The following ZNF180 variants were observed in gnomAD, a reference collection of about 807,000 sequenced individuals.
The protein encoded by ZNF180 is zinc finger protein 180 (HHZ168).
Under a neutral mutation model 11.8 loss-of-function variants are expected in ZNF180, and 11 were observed. The observed-to-expected ratio is 0.93, with a 90% CI of 0.59 to 1.55. ZNF180 has a LOEUF of 1.55. ZNF180 is among the 40% of genes most tolerant of loss of function. The probability of loss-of-function intolerance (pLI) is 0.00; values close to 1 mark genes in which losing one functional copy is unlikely to be tolerated. For missense variants in ZNF180, 773 were observed against 781.7 expected, an observed-to-expected ratio of 0.99 and a Z score of 0.13; for synonymous variants, 287 against 257.7, an observed-to-expected ratio of 1.11 and a Z score of -1.09.
At position 44,476,549 on chromosome 19, in the gene ZNF180, C is replaced by G; in HGVS notation, c.1851G>C (p.Leu617Phe). The G allele has an allele frequency of 6.2e-7, 1 of 1,614,144 alleles. No homozygotes were observed. The highest frequency in any genetic ancestry group is 8.5e-7 in the Non-Finnish European group (1 of 1,180,006). Residue 617 changes from leucine (L) to phenylalanine (F), a missense_variant, in exon 5 of 5, where the codon TTG (leucine) becomes TTC (phenylalanine). Leu to Phe is a conservative substitution (Grantham distance 22). Transcript: ENST00000592529. ...TTTGATGCACAATAAGTCGAGCACTCAAGCTAAATGTTTTTCCACACTGAT... is the reference window on the plus strand; with the variant it reads ...TTTGATGCACAATAAGTCGAGCACTGAAGCTAAATGTTTTTCCACACTGAT... ...ECNQCGKTFS[L>F]SARLIVHQRT...
In ZNF180 at chr19:44,495,251, C is replaced by CCCAGACT. The variant is rs1970548515; in HGVS notation, c.51+2026_51+2032dup. 6.6e-6 allele frequency among the ~76,000 whole-genome samples: 1 copy of CCCAGACT among 152,126 alleles called. No individual in the cohort carries two copies. The highest frequency in any genetic ancestry group is 1.5e-5 in the Non-Finnish European group (1 of 68,018). On this transcript the variant is annotated intron_variant, in intron 2 of 4. Transcript: ENST00000592529. This position sits in a 1 kb window ranked among gnomAD's most constrained non-coding sequence, Gnocchi z 4.5. ...GACGCCCTCTCCCTATGGATGCTTT[C>CCCAGACT]CCAGACTCCCTGGGCTCTGCCACCC...
In ZNF180 at chr19:44,476,145, GT is replaced by G. The variant is rs1568420117; in HGVS notation, c.*256del. The stretch of plus-strand genomic sequence containing the variant: ...GTGCTTTCTGCAAGGAAAAGTGCCA[GT>G]ATTTATTATTTTCATAGGAATATGT... On this transcript the variant is annotated 3_prime_UTR_variant, in exon 5 of 5. Coordinates refer to ENST00000592529, the MANE Select transcript of ZNF180 (RefSeq NM_001278509.3). The G allele has an allele frequency of 5.8e-6, 2 of 342,420 alleles. No individual in the cohort carries two copies. Among genetic ancestry groups the G allele is most frequent in the Non-Finnish European group, 5.3e-6 (1 of 190,428 alleles). 21.2% of individuals were successfully genotyped at this position (342,420 alleles called of 1,614,324 possible).
In ZNF180 at chr19:44,479,519, G is replaced by T. The variant is rs561872299; in HGVS notation, c.127-110C>A. 1.4e-3 allele frequency: 2,109 copies of T among 1,458,450 alleles called. 24 individuals are homozygous for T. Among genetic ancestry groups the T allele is most frequent in the Non-Finnish European group, 4.9e-4 (522 of 1,066,576 alleles). The allele number at this position is 1,458,450 out of a possible 1,614,324, so 90.3% of individuals were successfully genotyped here. The stretch of plus-strand genomic sequence containing the variant: ...AAGGAAAATTGGTGACCTGGGAGTT[G>T]TCCTTAAATTGTCAGTGCCCAAAAG... On this transcript the variant is annotated intron_variant, in intron 3 of 4. Coordinates refer to ENST00000592529, the MANE Select transcript of ZNF180 (RefSeq NM_001278509.3).
chr19:44,484,046 G>A (rs898037144), intron 3 of ZNF180, among the ~76,000 whole-genome samples: 12 of 147,908 alleles, frequency 8.1e-5, no homozygotes, highest in Non-Finnish European at 1.6e-4. Context: ...CCAGGCTGAA[G>A]TGCAGTGGCG....
intron 4 of ZNF180, 37 bp downstream of exon 4, chr19:44,479,246 G>A: frequency 2.5e-6 from 4 of 1,598,706 alleles, no homozygotes; most frequent in Non-Finnish European, 3.4e-6. Context: ...AATCATTTCA[G>A]TAGATGGATC....
At chr19:44,486,277 G>A (rs1359841161) in intron 2 of ZNF180, among the ~76,000 whole-genome samples, 2 of 152,130 alleles carry the variant, frequency 1.3e-5, no homozygotes, top group African/African-American at 4.8e-5. Flanking sequence ...GTTCTCAAAA[G>A]CATTAAAAGG....
chr19:44,482,125 G>A (rs1477767026), intron 3 of ZNF180, among the ~76,000 whole-genome samples: 1 of 152,136 alleles, frequency 6.6e-6, no homozygotes, highest in African/African-American at 2.4e-5. Context: ...GGGCAACATG[G>A]TGAAACCCTG....
chr19:44,480,343 A>C (rs1970045758), intron 3 of ZNF180, among the ~76,000 whole-genome samples: 1 of 152,148 alleles, frequency 6.6e-6, no homozygotes, highest in African/African-American at 2.4e-5. Flanking sequence ...GTGTTCAAGG[A>C]ATCTTCCCAT....
Position 44,500,445 on chromosome 19 carries a change from C to T in ZNF180, c.-214G>A. 1.6e-6 allele frequency: 1 copy of T among 607,630 alleles called. No individual in the cohort carries two copies. Among genetic ancestry groups the T allele is most frequent in the Non-Finnish European group, 2.9e-6 (1 of 344,598 alleles). The allele number at this position is 607,630 out of a possible 1,614,324, so 37.6% of individuals were successfully genotyped here. ...CCTCTCCTAGTCAGCATCCGCAAGG[C>T]CGCTGGGGGTTAAGTCTGAAGGGCC... On this transcript the variant is annotated 5_prime_UTR_variant, in exon 1 of 5. Transcript: ENST00000592529.
intron 3 of ZNF180, among the ~76,000 whole-genome samples, chr19:44,482,429 C>G (rs527519582): frequency 6.6e-6 from 1 of 152,256 alleles, no homozygotes; most frequent in African/African-American, 2.4e-5. Context: ...CCTCAGTCCT[C>G]AGAGGCTAAG....
At chr19:44,487,457 G>A (rs1373626675) in intron 2 of ZNF180, among the ~76,000 whole-genome samples, 1 of 152,116 alleles carries the variant, frequency 6.6e-6, no homozygotes, top group African/African-American at 2.4e-5. Context: ...TAGAAGACAG[G>A]GTCTCGTCAT....
chr19:44,479,438 C>T (rs1438463030), intron 3 of ZNF180, 29 bp from the exon 4 acceptor site: 2 of 1,611,440 alleles, frequency 1.2e-6, no homozygotes, highest in South Asian at 1.1e-5. Context: ...TCCTGCTCAG[C>T]TGGGCATCAT....
At chr19:44,484,591 C>T (rs965517672) in intron 2 of ZNF180, 156 bp from the exon 3 acceptor site, 34 of 642,620 alleles carry the variant, frequency 5.3e-5, no homozygotes, top group Admixed American at 2.2e-4. Flanking sequence ...TGGTAAGCTC[C>T]GCTAACCATG....
In ZNF180 at chr19:44,500,346, G is replaced by C. The variant is rs1970720497; in HGVS notation, c.-115C>G. 12 of 1,462,972 alleles carry C rather than the reference G, an allele frequency of 8.2e-6. No individual in the cohort carries two copies. Among genetic ancestry groups the C allele is most frequent in the Admixed American group, 1.7e-5 (1 of 58,714 alleles). 90.6% of individuals were successfully genotyped at this position (1,462,972 alleles called of 1,614,324 possible). ...CAGTGCCTAGCACGGCTCTGCGGCA[G>C]GACGAACTCGGGTTAGGCAACCCCC... On this transcript the variant is annotated 5_prime_UTR_variant, in exon 1 of 5. Coordinates refer to ENST00000592529, the MANE Select transcript of ZNF180 (RefSeq NM_001278509.3).
rs373032616 is a variant in ZNF180 at position 44,499,913 on chromosome 19, T to G, written c.-44+362A>C. On this transcript the variant is annotated intron_variant, in intron 1 of 4. Transcript: ENST00000592529. ...CCTCTCCAGAAACCACAATCTGCAA[T>G]GGAGCACTCCATCAACCCGGACATC... Among the ~76,000 whole-genome samples, 50 of 152,280 alleles carry G rather than the reference T, an allele frequency of 3.3e-4. 1 individual carries two copies. The highest frequency in any genetic ancestry group is 1.2e-3 in the African/African-American group (49 of 41,538).
Position 44,477,338 on chromosome 19 carries a change from A to G in ZNF180, c.1062T>C (p.Tyr354=), listed in dbSNP as rs367716460. 580 of 1,612,440 alleles carry G rather than the reference A, an allele frequency of 3.6e-4. 1 individual carries two copies. Among genetic ancestry groups the G allele is most frequent in the Middle Eastern group, 2.8e-3 (17 of 6,056 alleles). Residue 354 remains tyrosine (Y), a synonymous_variant, in exon 5 of 5, where the codon TAT becomes TAC. Transcript: ENST00000592529. ...AGGATTTTCCACATTCACTACATTC[A>G]TAAGGTTTCTCCCCTGTGTGAGTTC... ...HQRTHTGEKP[Y]ECSECGKSFS...
chr19:44,493,439 G>A (rs994804001), intron 2 of ZNF180, among the ~76,000 whole-genome samples: 3 of 152,316 alleles, frequency 2.0e-5, no homozygotes, highest in Admixed American at 2.0e-4. Context: ...TGGCTCCCTT[G>A]ATTTTTCTCT....
chr19:44,484,875 A>T (rs181051705), intron 2 of ZNF180: 40 of 171,908 alleles, frequency 2.3e-4, no homozygotes, highest in Admixed American at 2.1e-3. Context: ...TAAGATGTTT[A>T]GCAGGCCGGG....
rs1357542468 is a variant in ZNF180, at chr19:44,475,701, C to T, written c.*701G>A. On this transcript the variant is annotated 3_prime_UTR_variant, in exon 5 of 5. Transcript: ENST00000592529. Reference sequence around the variant, plus strand: ...TATCATAGCATAACAGCGTACATTCCAAAAAGGAAGGCCCAACATAAACTG... The same window carrying T: ...TATCATAGCATAACAGCGTACATTCTAAAAAGGAAGGCCCAACATAAACTG... The T allele has an allele frequency of 6.6e-6, 1 of 152,062 alleles. No homozygotes were observed. Among genetic ancestry groups the T allele is most frequent in the South Asian group, 2.1e-4 (1 of 4,818 alleles). 9.4% of individuals were successfully genotyped at this position (152,062 alleles called of 1,614,324 possible).
Sources: gnomAD v4.1 joint callset for allele counts (sites outside exome capture counted in the v4.1 genomes callset) on GRCh38, gnomAD v4.1.1 for gene constraint, Gnocchi (gnomAD v3.1) non-coding constraint, MANE v1.5 for transcripts, NCBI Gene and HGNC (gene_info 2026-07-23, HGNC 2026-07-21) for gene names.